Variants in DYNC1LI2 observed in about 807,000 individuals in gnomAD.
DYNC1LI2 encodes dynein cytoplasmic 1 light intermediate chain 2.
In DYNC1LI2, 19 loss-of-function variants were observed where a neutral mutation model predicts 57.8. That is an observed-to-expected ratio of 0.33 (90% CI 0.23 to 0.48). The LOEUF (loss-of-function observed/expected upper bound fraction) is 0.48. Among genes scored for constraint, DYNC1LI2 ranks in the 20% least tolerant of loss-of-function variants. DYNC1LI2 has a pLI of 0.99. For missense variants in DYNC1LI2, 470 were observed against 604.2 expected (o/e 0.78, Z 2.33); for synonymous variants, 256 against 233.4 (o/e 1.10, Z -0.88).
Position 66,721,929 on chromosome 16 carries a change from T to C in DYNC1LI2, c.*1793A>G, listed in dbSNP as rs916320447. The C allele has an allele frequency of 2.6e-5, 4 of 152,362 alleles. No homozygotes were observed. Among genetic ancestry groups the C allele is most frequent in the African/African-American group, 9.6e-5 (4 of 41,462 alleles). The allele number at this position is 152,362 out of a possible 1,614,324, so 9.4% of individuals were successfully genotyped here. On this transcript the variant is annotated 3_prime_UTR_variant, in exon 13 of 13. Coordinates refer to ENST00000258198, the MANE Select transcript of DYNC1LI2 (RefSeq NM_006141.3). ...GAGGCCACAAGCTGTTTGGCATCTA[T>C]TGGTCACTATACCACAATTATCATT...
chr16:66,729,645 C>T (rs183214173), intron 8 of DYNC1LI2, among the ~76,000 whole-genome samples: 1 of 146,010 alleles, frequency 6.8e-6, no homozygotes, highest in East Asian at 2.0e-4. Flanking sequence ...GGCCCGATCT[C>T]GGCTCATTAC....
chr16:66,746,556 A>G (rs1042906880), intron 3 of DYNC1LI2, among the ~76,000 whole-genome samples: 2 of 152,244 alleles, frequency 1.3e-5, no homozygotes, highest in Non-Finnish European at 2.9e-5. Context: ...GTAACTTTAA[A>G]AAAATCTGTA....
intron 6 of DYNC1LI2, chr16:66,733,406 A>G (rs1231121026): frequency 6.6e-6 from 1 of 152,106 alleles, no homozygotes; most frequent in African/African-American, 2.4e-5. Context: ...CTAAAAATAC[A>G]AAAATTATCC....
intron 3 of DYNC1LI2, among the ~76,000 whole-genome samples, chr16:66,748,173 G>A (rs1160053169): frequency 3.3e-5 from 5 of 150,234 alleles, no homozygotes; most frequent in African/African-American, 9.8e-5. Flanking sequence ...AGCTGCTTAG[G>A]AGGATGAGGT....
Position 66,722,949 on chromosome 16 carries a change from C to A in DYNC1LI2, c.*773G>T, listed in dbSNP as rs1270242720. 2 of 163,164 alleles carry A rather than the reference C, an allele frequency of 1.2e-5. No homozygotes were observed. Among genetic ancestry groups the A allele is most frequent in the Non-Finnish European group, 2.7e-5 (2 of 74,122 alleles). 10.1% of individuals were successfully genotyped at this position (163,164 alleles called of 1,614,324 possible). A position where few individuals can be genotyped will look rare whatever the true frequency, so the allele number is the denominator to read the frequency against. The stretch of plus-strand genomic sequence containing the variant: ...GAAGACATCCCACAGTGACTGTCTG[C>A]CCCACAACACATATCCGTGGACCCC... On this transcript the variant is annotated 3_prime_UTR_variant, in exon 13 of 13. Transcript: ENST00000258198.
intron 3 of DYNC1LI2, 84 bp downstream of exon 3, chr16:66,749,113 T>C (rs2017992964): frequency 7.6e-7 from 1 of 1,311,846 alleles, no homozygotes. Context: ...TGAGAATGCC[T>C]GGCCATGCTG....
chr16:66,736,256 A>G lies in DYNC1LI2; in HGVS notation c.530-12T>C. 1.9e-6 allele frequency: 3 copies of G among 1,608,910 alleles called. No individual in the cohort carries two copies. The highest frequency in any genetic ancestry group is 1.1e-5 in the South Asian group (1 of 90,900). ...AAAATCTTTCACAACTGGGGGAAAA[A>G]GAGGAAAAAAAATCACATGCACATA... On this transcript the variant is annotated splice_polypyrimidine_tract_variant and intron_variant, in intron 4 of 12. Coordinates refer to ENST00000258198, the MANE Select transcript of DYNC1LI2 (RefSeq NM_006141.3).
chr16:66,737,862 C>T (rs1383218557), intron 4 of DYNC1LI2, among the ~76,000 whole-genome samples: 1 of 152,208 alleles, frequency 6.6e-6, no homozygotes, highest in Non-Finnish European at 1.5e-5. Context: ...CACTTCAAGG[C>T]TCTCATGTTG....
chr16:66,723,463 C>G lies in DYNC1LI2; in HGVS notation c.*259G>C. On this transcript the variant is annotated 3_prime_UTR_variant, in exon 13 of 13. Transcript: ENST00000258198. Reference sequence around the variant, plus strand: ...CTCTACCTTCCCCTCCACAAGAAGCCCAGATGTGCTTGCCTCCCACAAAAG... The same window carrying G: ...CTCTACCTTCCCCTCCACAAGAAGCGCAGATGTGCTTGCCTCCCACAAAAG... 1 of 580,172 alleles carries G rather than the reference C, an allele frequency of 1.7e-6. No individual in the cohort carries two copies. Among genetic ancestry groups the G allele is most frequent in the Non-Finnish European group, 3.2e-6 (1 of 308,484 alleles). The allele number at this position is 580,172 out of a possible 1,614,324, so 35.9% of individuals were successfully genotyped here. A position where few individuals can be genotyped will look rare whatever the true frequency, so the allele number is the denominator to read the frequency against.
intron 6 of DYNC1LI2, chr16:66,733,893 A>G (rs9922207): frequency 0.49 from 123,134 of 253,716 alleles, 31,439 homozygotes; most frequent in African/African-American, 0.64. Context: ...CGAGCGCAGT[A>G]GCTAACAGCT....
chr16:66,734,425 G>T, intron 5 of DYNC1LI2, 114 bp from the exon 6 acceptor site: 1 of 977,466 alleles, frequency 1.0e-6, no homozygotes, highest in Non-Finnish European at 1.5e-6. Context: ...CCACAGCTCA[G>T]GGTCCAAGCA....
At chr16:66,728,088 C>T in intron 10 of DYNC1LI2, 113 bp downstream of exon 10, 1 of 1,434,020 alleles carries the variant, frequency 7.0e-7, no homozygotes, top group South Asian at 1.2e-5. Flanking sequence ...AAACCAAATT[C>T]CCACTGAAAA....
intron 2 of DYNC1LI2, among the ~76,000 whole-genome samples, 186 bp from the exon 3 acceptor site, chr16:66,749,499 G>A (rs1050732876): frequency 4.6e-5 from 7 of 152,256 alleles, no homozygotes; most frequent in Middle Eastern, 3.4e-3. Flanking sequence ...GGAGAGGGTG[G>A]TAAAGGCAGC....
At chr16:66,733,614 A>C (rs1007401334) in intron 6 of DYNC1LI2, 1 of 152,820 alleles carries the variant, frequency 6.5e-6, no homozygotes, top group African/African-American at 2.4e-5. Flanking sequence ...CTGAGGCAGG[A>C]GGGTCGCTTG....
chr16:66,732,217 G>A lies in DYNC1LI2; in HGVS notation c.929+122C>T. 4.9e-6 allele frequency: 6 copies of A among 1,213,672 alleles called. No individual in the cohort carries two copies. In the South Asian group the frequency reaches 8.0e-5, roughly 16 times the overall value. The allele number at this position is 1,213,672 out of a possible 1,614,324, so 75.2% of individuals were successfully genotyped here. ...ATCCGGAAAGGAACAGAGAGAAGGT[G>A]CAGTGAGAGAGCTGGCTGTAGAAGA... On this transcript the variant is annotated intron_variant, in intron 7 of 12. Coordinates refer to ENST00000258198, the MANE Select transcript of DYNC1LI2 (RefSeq NM_006141.3).
intron 6 of DYNC1LI2, 109 bp from the exon 7 acceptor site, chr16:66,732,583 G>A: frequency 8.2e-7 from 1 of 1,219,088 alleles, no homozygotes; most frequent in Non-Finnish European, 1.1e-6. Flanking sequence ...ATCAATATAT[G>A]AGCAACAGAA....
intron 10 of DYNC1LI2, 84 bp from the exon 11 acceptor site, chr16:66,727,889 G>A (rs2017564867): frequency 4.0e-6 from 5 of 1,254,528 alleles, no homozygotes; most frequent in South Asian, 4.0e-5. Flanking sequence ...ATGCTTCTGA[G>A]GGATATTTTT....
intron 4 of DYNC1LI2, among the ~76,000 whole-genome samples, chr16:66,738,500 T>C (rs928031315): frequency 1.9e-4 from 29 of 151,262 alleles, no homozygotes; most frequent in Non-Finnish European, 4.0e-4. Context: ...TCCACCCACC[T>C]CAGTCTCCCA....
At position 66,751,564 on chromosome 16, in the gene DYNC1LI2, GCTT is replaced by G. The variant is rs777471908; in HGVS notation, c.25_27del (p.Lys9del). On this transcript the variant is annotated inframe_deletion, in exon 1 of 13. Transcript: ENST00000258198. The surrounding 1 kb of genome is among the most constrained non-coding windows in gnomAD (Gnocchi z 5.2). ...GCGGGCCCGTTGGGACCTAGCAGCA[GCTT>G]CTTCTCCACCCCCACCGGCGCCATC... 1.9e-6 allele frequency: 3 copies of G among 1,583,278 alleles called. No individual in the cohort carries two copies. The highest frequency in any genetic ancestry group is 1.1e-5 in the South Asian group (1 of 88,534).
Sources: gnomAD v4.1 joint callset for allele counts (sites outside exome capture counted in the v4.1 genomes callset) on GRCh38, gnomAD v4.1.1 for gene constraint, Gnocchi (gnomAD v3.1) non-coding constraint, MANE v1.5 for transcripts, NCBI Gene and HGNC (gene_info 2026-07-23, HGNC 2026-07-21) for gene names.